ELAVL2: variants seen among roughly 807,000 people sequenced by gnomAD.
ELAVL2 encodes the protein ELAV-like protein 2.
A neutral mutation model predicts 34.6 loss-of-function variants in ELAVL2; 4 were observed. The observed-to-expected ratio is 0.12, with a 90% confidence interval of 0.06 to 0.26. The LOEUF (loss-of-function observed/expected upper bound fraction) is 0.26, where lower values mean the gene tolerates loss of function less well. Among genes scored for constraint, ELAVL2 ranks in the 10% least tolerant of loss-of-function variants. ELAVL2 has a pLI of 1.00. For missense variants in ELAVL2, 432 were observed against 442.8 expected, an observed-to-expected ratio of 0.98 and a Z score of 0.22; for synonymous variants, 193 against 154.8, an observed-to-expected ratio of 1.25 and a Z score of -1.83.
intron 4 of ELAVL2, among the ~76,000 whole-genome samples, chr9:23,703,370 A>ATTAG (rs2038139207): frequency 6.6e-6 from 1 of 152,228 alleles, no homozygotes; most frequent in South Asian, 2.1e-4. Context: ...TAACACCATT[A>ATTAG]TTAGTCTATG....
intron 1 of ELAVL2, among the ~76,000 whole-genome samples, chr9:23,772,755 G>A (rs2057530098): frequency 6.6e-6 from 1 of 151,972 alleles, no homozygotes; most frequent in Non-Finnish European, 1.5e-5. Flanking sequence ...CTCAATTACT[G>A]GTATTCACCT....
At chr9:23,789,561 G>C (rs990680044) in intron 1 of ELAVL2, among the ~76,000 whole-genome samples, 3 of 152,108 alleles carry the variant, frequency 2.0e-5, no homozygotes, top group Non-Finnish European at 4.4e-5. Flanking sequence ...GATAAAGCTT[G>C]GTCATCTGCA....
chr9:23,692,410 T>C lies in ELAVL2; in HGVS notation c.*147A>G. The C allele has an allele frequency of 2.5e-6, 2 of 794,382 alleles. No homozygotes were observed. Among genetic ancestry groups the C allele is most frequent in the South Asian group, 4.4e-5 (2 of 45,824 alleles). 49.2% of individuals were successfully genotyped at this position (794,382 alleles called of 1,614,324 possible). ...TAATTCAAATACTAGCAATAAAAAATCTCACATATTTCTTAGGATGCTAAG... is the reference window on the plus strand; with the variant it reads ...TAATTCAAATACTAGCAATAAAAAACCTCACATATTTCTTAGGATGCTAAG... On this transcript the variant is annotated 3_prime_UTR_variant, in exon 7 of 7. Transcript: ENST00000397312.
intron 1 of ELAVL2, among the ~76,000 whole-genome samples, chr9:23,800,553 G>A (rs540382993): frequency 2.6e-5 from 4 of 152,250 alleles, no homozygotes; most frequent in African/African-American, 9.6e-5. Context: ...ATATGCTTAA[G>A]ATATCAGATG....
the ELAVL2 span, among the ~76,000 whole-genome samples, chr9:23,841,199 G>A: frequency 6.6e-6 from 1 of 152,096 alleles, no homozygotes; most frequent in African/African-American, 2.4e-5. Context: ...ACAAAGGACA[G>A]CCAGGTCCTA....
intron 1 of ELAVL2, among the ~76,000 whole-genome samples, chr9:23,768,882 C>T (rs943928858): frequency 6.6e-6 from 1 of 152,128 alleles, no homozygotes; most frequent in African/African-American, 2.4e-5. Context: ...AGTCGTGGAT[C>T]ACCAGTGATC....
chr9:23,846,995 C>G, the ELAVL2 span, among the ~76,000 whole-genome samples: 1 of 152,074 alleles, frequency 6.6e-6, no homozygotes, highest in South Asian at 2.1e-4. Flanking sequence ...TACTCAGTTT[C>G]TAGGTGAAAT....
intron 1 of ELAVL2, among the ~76,000 whole-genome samples, chr9:23,819,156 A>G (rs1342865509): frequency 6.6e-6 from 1 of 152,186 alleles, no homozygotes; most frequent in Non-Finnish European, 1.5e-5. Context: ...ACAAGGATTC[A>G]GCTAGCAGCA....
chr9:23,781,775 A>C, intron 1 of ELAVL2, among the ~76,000 whole-genome samples: 1 of 150,610 alleles, frequency 6.6e-6, no homozygotes, highest in African/African-American at 2.4e-5. Context: ...CTCACCGCAA[A>C]CTCTGCCTCC....
At chr9:23,804,767 G>T (rs113451541) in intron 1 of ELAVL2, among the ~76,000 whole-genome samples, 2 of 152,138 alleles carry the variant, frequency 1.3e-5, no homozygotes, top group Admixed American at 1.3e-4. Flanking sequence ...AGAGGGCACT[G>T]GGGGAAGTAA....
chr9:23,728,379 C>T (rs1017141432), intron 3 of ELAVL2, among the ~76,000 whole-genome samples: 1 of 152,036 alleles, frequency 6.6e-6, no homozygotes, highest in Non-Finnish European at 1.5e-5. Context: ...ACCAAAAAGT[C>T]GGAGCTGCAA....
intron 5 of ELAVL2, among the ~76,000 whole-genome samples, chr9:23,694,999 T>A (rs139198032): frequency 4.5e-4 from 69 of 152,296 alleles, no homozygotes; most frequent in African/African-American, 1.6e-3. Flanking sequence ...ACCAAAATTA[T>A]GGTCAACTTA....
intron 1 of ELAVL2, among the ~76,000 whole-genome samples, chr9:23,765,682 T>C (rs896234087): frequency 7.2e-5 from 11 of 152,194 alleles, no homozygotes; most frequent in African/African-American, 2.7e-4. Context: ...TCAAACGGTT[T>C]CTAACAGTTT....
At position 23,690,859 on chromosome 9, in the gene ELAVL2, A is replaced by AT. The variant is rs1009770255; in HGVS notation, c.*1697dup. The AT allele has an allele frequency of 5.2e-5, 8 of 152,480 alleles. No individual in the cohort carries two copies. The highest frequency in any genetic ancestry group is 1.9e-4 in the African/African-American group (8 of 41,426). The allele number at this position is 152,480 out of a possible 1,614,324, so 9.4% of individuals were successfully genotyped here. On this transcript the variant is annotated 3_prime_UTR_variant, in exon 7 of 7. Coordinates refer to ENST00000397312, the MANE Select transcript of ELAVL2 (RefSeq NM_004432.5). ...AGATGCTAATCAGAAAATATTTTGT[A>AT]TTTTTTAAAATTTCTTTCATACATG...
chr9:23,718,194 G>C (rs184283063), intron 3 of ELAVL2, among the ~76,000 whole-genome samples: 2 of 152,176 alleles, frequency 1.3e-5, no homozygotes, highest in Admixed American at 1.3e-4. Context: ...CAAACACCCA[G>C]AGAAAAATTC....
chr9:23,755,554 A>AC (rs1486369632), intron 2 of ELAVL2, among the ~76,000 whole-genome samples: 2 of 152,202 alleles, frequency 1.3e-5, no homozygotes, highest in African/African-American at 4.8e-5. Context: ...TTTCTCCATT[A>AC]CCTTTTGCCT....
chr9:23,699,812 G>GTTTTTTTTTTTTTTTTTTT (rs199637833), intron 5 of ELAVL2, among the ~76,000 whole-genome samples: 1 of 82,978 alleles, frequency 1.2e-5, no homozygotes, highest in African/African-American at 4.4e-5. Flanking sequence ...GGTGGCAAAG[G>GTTTTTTTTTTTTTTTTTTT]TTTTTTTTTT....
At chr9:23,767,242 A>G (rs1320527393) in intron 1 of ELAVL2, among the ~76,000 whole-genome samples, 1 of 152,238 alleles carries the variant, frequency 6.6e-6, no homozygotes, top group African/African-American at 2.4e-5. Context: ...ATCCTTTATG[A>G]ATTTTAACAT....
intron 1 of ELAVL2, among the ~76,000 whole-genome samples, chr9:23,804,776 A>G (rs2062007649): frequency 6.6e-6 from 1 of 152,174 alleles, no homozygotes; most frequent in African/African-American, 2.4e-5. Context: ...TGGGGGAAGT[A>G]AAGGCAAGTC....
Sources: gnomAD v4.1 joint callset for allele counts (sites outside exome capture counted in the v4.1 genomes callset) on GRCh38, gnomAD v4.1.1 for gene constraint, MANE v1.5 for transcripts, NCBI Gene and HGNC (gene_info 2026-07-23, HGNC 2026-07-21) for gene names.